MYO18B: variants seen among roughly 807,000 people sequenced by gnomAD.
MYO18B encodes the protein unconventional myosin-XVIIIb.
A neutral mutation model predicts 273.0 loss-of-function variants in MYO18B; 204 were observed. The observed-to-expected ratio is 0.75, with a 90% CI of 0.67 to 0.84. The LOEUF is 0.84. Ranked by LOEUF, MYO18B falls within the 40% of genes least tolerant of loss-of-function variation. MYO18B has a pLI of 0.00. For missense variants in MYO18B, 3,212 were observed against 3,287.6 expected (o/e 0.98, Z 0.56); for synonymous variants, 1,330 against 1,305.7 (o/e 1.02, Z -0.40).
At chr22:25,977,085 A>G (rs951729093) in intron 39 of MYO18B, among the ~76,000 whole-genome samples, 8 of 152,158 alleles carry the variant, frequency 5.3e-5, no homozygotes, top group African/African-American at 1.9e-4. Flanking sequence ...GGCCGACTGT[A>G]GGATGTACTC....
intron 39 of MYO18B, among the ~76,000 whole-genome samples, chr22:25,976,419 A>G (rs889962697): frequency 5.9e-5 from 9 of 152,188 alleles, no homozygotes; most frequent in African/African-American, 1.7e-4. Context: ...AAAGTCCATT[A>G]TGCAATCAAT....
chr22:25,809,815 G>A (rs1391425266), intron 12 of MYO18B, among the ~76,000 whole-genome samples: 2 of 152,060 alleles, frequency 1.3e-5, no homozygotes, highest in Admixed American at 6.5e-5. Flanking sequence ...TTCAAGCTGT[G>A]GTAAGACCTG....
At chr22:25,839,066 A>T (rs1230708032) in intron 17 of MYO18B, among the ~76,000 whole-genome samples, 1 of 151,330 alleles carries the variant, frequency 6.6e-6, no homozygotes, top group African/African-American at 2.4e-5. Context: ...ATGTGTGTAT[A>T]TGTATGTATA....
chr22:25,919,594 G>T (rs981778245), intron 33 of MYO18B, among the ~76,000 whole-genome samples: 17 of 152,100 alleles, frequency 1.1e-4, no homozygotes, highest in African/African-American at 4.1e-4. Flanking sequence ...GATTGTCACA[G>T]GAGTTAAATG....
At chr22:25,978,751 C>T (rs972140857) in intron 39 of MYO18B, among the ~76,000 whole-genome samples, 5 of 152,102 alleles carry the variant, frequency 3.3e-5, no homozygotes, top group African/African-American at 7.2e-5. Context: ...GTCAGGAGTT[C>T]GAGACCAGCC....
intron 13 of MYO18B, 30 bp downstream of exon 13, chr22:25,823,708 TG>T (rs2089376197): frequency 6.2e-7 from 1 of 1,612,488 alleles, no homozygotes; most frequent in South Asian, 1.1e-5. Context: ...TTGGGTGAGC[TG>T]GGCCCCCCTC....
At chr22:25,776,489 C>T (rs5752203) in intron 7 of MYO18B, among the ~76,000 whole-genome samples, 4,236 of 152,220 alleles carry the variant, frequency 0.028, 163 homozygotes, top group African/African-American at 0.09. Flanking sequence ...CCCAGCTACT[C>T]AGAAGGCTGA....
chr22:25,912,873 T>C (rs1233802944), intron 33 of MYO18B, among the ~76,000 whole-genome samples: 1 of 152,230 alleles, frequency 6.6e-6, no homozygotes, highest in Admixed American at 6.5e-5. Flanking sequence ...TGCAGCAATA[T>C]GATTCTGCAC....
At chr22:25,942,267 C>A (rs2092653301) in intron 34 of MYO18B, among the ~76,000 whole-genome samples, 1 of 152,208 alleles carries the variant, frequency 6.6e-6, no homozygotes, top group African/African-American at 2.4e-5. Flanking sequence ...TGGTTTCCTT[C>A]CTCTGTCCTT....
intron 40 of MYO18B, among the ~76,000 whole-genome samples, chr22:26,000,582 T>TTA (rs1491568045): frequency 9.9e-5 from 1 of 10,058 alleles, no homozygotes; most frequent in Non-Finnish European, 4.0e-3. Flanking sequence ...CCTGAAAGCC[T>TTA]TTTTTTTTTT....
At chr22:25,818,731 AGGGTACCCTCCTT>A (rs940143032) in intron 12 of MYO18B, among the ~76,000 whole-genome samples, 2 of 152,182 alleles carry the variant, frequency 1.3e-5, no homozygotes, top group Non-Finnish European at 2.9e-5. Flanking sequence ...TCTGGGCTGA[AGGGTACCCTCCTT>A]GGTTTTGCAG....
the MYO18B span, among the ~76,000 whole-genome samples, chr22:26,062,927 A>G: frequency 3.9e-5 from 6 of 152,314 alleles, no homozygotes; most frequent in East Asian, 1.9e-4. Context: ...GCCTCCATCC[A>G]TAATTCATCT....
chr22:26,049,346 C>T, the MYO18B span, among the ~76,000 whole-genome samples: 2 of 152,160 alleles, frequency 1.3e-5, no homozygotes, highest in Admixed American at 6.5e-5. Context: ...AGTGCAATTG[C>T]TTCAAGTACA....
At position 26,003,714 on chromosome 22, in the gene MYO18B, G is replaced by A. The variant is rs184530840; in HGVS notation, c.6332+405G>A. 3.9e-4 allele frequency among the ~76,000 whole-genome samples: 59 copies of A among 152,076 alleles called. No homozygotes were observed. In the Middle Eastern group the frequency reaches 0.01, roughly 26 times the overall value. Reference sequence around the variant, plus strand: ...CGTGATTCCTTCCACCCAAAATTCCGTTCTTCAGTCCCTGCGTGGCCAAAC... The same window carrying A: ...CGTGATTCCTTCCACCCAAAATTCCATTCTTCAGTCCCTGCGTGGCCAAAC... On this transcript the variant is annotated intron_variant, in intron 41 of 43. Coordinates refer to ENST00000335473, the MANE Select transcript of MYO18B (RefSeq NM_032608.7).
intron 39 of MYO18B, among the ~76,000 whole-genome samples, chr22:25,965,846 A>G (rs1449104379): frequency 6.6e-6 from 1 of 152,174 alleles, no homozygotes; most frequent in African/African-American, 2.4e-5. Flanking sequence ...GCCAGCCAAT[A>G]TGAGCCACTT....
At chr22:26,020,303 A>T (rs1935704361) in intron 42 of MYO18B, among the ~76,000 whole-genome samples, 1 of 152,052 alleles carries the variant, frequency 6.6e-6, no homozygotes, top group Non-Finnish European at 1.5e-5. Flanking sequence ...AGATAAAATG[A>T]TGGGGCCCCA....
chr22:25,814,294 C>CTTTTTTTT lies in MYO18B; in HGVS notation c.2522-9175_2522-9168dup, dbSNP rs398036691. On this transcript the variant is annotated intron_variant, in intron 12 of 43. Transcript: ENST00000335473. ...GCTTGCCATGCTCCCAGGCACCGTTCTTTTTTTTTTTTTTTTTTTTTTTTT... is the reference window on the plus strand; with the variant it reads ...GCTTGCCATGCTCCCAGGCACCGTTCTTTTTTTTTTTTTTTTTTTTTTTTTTTTTTTTT... Among the ~76,000 whole-genome samples the CTTTTTTTT allele has an allele frequency of 1.6e-3, 97 of 59,492 alleles. 6 individuals carry two copies. Among genetic ancestry groups the CTTTTTTTT allele is most frequent in the Non-Finnish European group, 2.5e-3 (77 of 30,812 alleles). The allele number at this position is 59,492 out of a possible 152,430, so 39.0% of individuals were successfully genotyped here. A position where few individuals can be genotyped will look rare whatever the true frequency, so the allele number is the denominator to read the frequency against.
intron 16 of MYO18B, among the ~76,000 whole-genome samples, chr22:25,834,153 T>C (rs573437134): frequency 2.0e-5 from 3 of 149,336 alleles, no homozygotes; most frequent in South Asian, 2.1e-4. Flanking sequence ...TTTTTTTTTT[T>C]CTTTTTTTTT....
At chr22:25,863,691 G>A (rs2090805907) in intron 21 of MYO18B, among the ~76,000 whole-genome samples, 1 of 152,168 alleles carries the variant, frequency 6.6e-6, no homozygotes, top group South Asian at 2.1e-4. Flanking sequence ...TCTGTGTGGG[G>A]GTTGGGAAAT....
Sources: gnomAD v4.1 joint callset for allele counts (sites outside exome capture counted in the v4.1 genomes callset) on GRCh38, gnomAD v4.1.1 for gene constraint, MANE v1.5 for transcripts, NCBI Gene and HGNC (gene_info 2026-07-23, HGNC 2026-07-21) for gene names.